The following RABGAP1 variants were observed in gnomAD, a reference collection of about 807,000 sequenced individuals.
RABGAP1 encodes rab GTPase-activating protein 1.
A neutral mutation model predicts 137.6 loss-of-function variants in RABGAP1; 23 were observed. That is an observed-to-expected ratio of 0.17 (90% CI 0.12 to 0.24). The LOEUF (loss-of-function observed/expected upper bound fraction) is 0.24. Ranked by LOEUF, RABGAP1 falls within the 10% of genes least tolerant of loss-of-function variation. The probability of loss-of-function intolerance (pLI) is 1.00; values close to 1 mark genes in which losing one functional copy is unlikely to be tolerated. For missense variants in RABGAP1, 906 were observed against 1,275.8 expected (o/e 0.71, Z 4.42); for synonymous variants, 451 against 450.7 (o/e 1.00, Z -0.01).
At chr9:122,967,278 G>A (rs1835211893) in intron 2 of RABGAP1, among the ~76,000 whole-genome samples, 1 of 152,148 alleles carries the variant, frequency 6.6e-6, no homozygotes, top group African/African-American at 2.4e-5. Flanking sequence ...TAGTAAATAG[G>A]AGATCAGAAA....
chr9:123,079,965 TA>T lies in RABGAP1; in HGVS notation c.2424+3204del, dbSNP rs2034656232. On this transcript the variant is annotated intron_variant, in intron 19 of 25. Coordinates refer to ENST00000373647, the MANE Select transcript of RABGAP1 (RefSeq NM_012197.4). ...CCAGGAACAGGATCTCGCTTATAAA[TA>T]TCGATTGAATAAGTGAATGAATAAA... Among the ~76,000 whole-genome samples, 3 of 152,304 alleles carry T rather than the reference TA, an allele frequency of 2.0e-5. No homozygotes were observed. In the South Asian group the frequency reaches 6.2e-4, roughly 32 times the overall value.
chr9:122,943,253 G>A (rs1833721167), intron 1 of RABGAP1, among the ~76,000 whole-genome samples: 1 of 151,894 alleles, frequency 6.6e-6, no homozygotes, highest in Non-Finnish European at 1.5e-5. Flanking sequence ...ATTTTTACTA[G>A]AGACGGGGTT....
At chr9:122,967,022 G>A (rs1835195131) in intron 2 of RABGAP1, among the ~76,000 whole-genome samples, 1 of 152,186 alleles carries the variant, frequency 6.6e-6, no homozygotes, top group Non-Finnish European at 1.5e-5. Context: ...AATTGGGGGA[G>A]TTACAATTCA....
chr9:123,087,278 A>G (rs1307208885), intron 19 of RABGAP1, among the ~76,000 whole-genome samples: 1 of 152,214 alleles, frequency 6.6e-6, no homozygotes, highest in Non-Finnish European at 1.5e-5. Context: ...TTACCCCAGC[A>G]AAAGAATGAA....
At chr9:123,092,833 G>C (rs963288905) in intron 21 of RABGAP1, among the ~76,000 whole-genome samples, 1 of 152,182 alleles carries the variant, frequency 6.6e-6, no homozygotes, top group African/African-American at 2.4e-5. Flanking sequence ...ATCCCACACA[G>C]ATCACCCAGC....
intron 25 of RABGAP1, 114 bp downstream of exon 25, chr9:123,101,877 G>C: frequency 9.2e-7 from 1 of 1,091,756 alleles, no homozygotes; most frequent in Non-Finnish European, 1.3e-6. Context: ...TTAAACTTTG[G>C]TCACAGTTGT....
intron 7 of RABGAP1, 72 bp downstream of exon 7, chr9:122,996,223 CTG>C: frequency 6.6e-7 from 1 of 1,513,308 alleles, no homozygotes; most frequent in Non-Finnish European, 8.8e-7. Flanking sequence ...TAGTTTTACA[CTG>C]TATTAAAAAA....
At chr9:122,966,323 C>G (rs1025556275) in intron 2 of RABGAP1, among the ~76,000 whole-genome samples, 10 of 151,930 alleles carry the variant, frequency 6.6e-5, no homozygotes, top group African/African-American at 2.2e-4. Flanking sequence ...TCAGGAGTTT[C>G]AGACCAGCCT....
In RABGAP1 at chr9:123,101,651, T is replaced by C; in HGVS notation, c.2975T>C (p.Leu992Ser). 1 of 1,614,154 alleles carries C rather than the reference T, an allele frequency of 6.2e-7. No homozygotes were observed. Among genetic ancestry groups the C allele is most frequent in the South Asian group, 1.1e-5 (1 of 91,058 alleles). Residue 992 changes from leucine (L) to serine (S), a missense_variant, in exon 25 of 26, where the codon TTA becomes TCA. Coordinates refer to ENST00000373647, the MANE Select transcript of RABGAP1 (RefSeq NM_012197.4). ...VKGISSTKEV[L>S]DEDTDEEKET... Reference sequence around the variant, plus strand: ...GGCATAAGCTCAACCAAGGAGGTTTTAGATGAGGACACGGATGAAGAGAAA... The same window carrying C: ...GGCATAAGCTCAACCAAGGAGGTTTCAGATGAGGACACGGATGAAGAGAAA...
intron 21 of RABGAP1, among the ~76,000 whole-genome samples, chr9:123,093,961 A>G (rs783203): frequency 0.62 from 94,901 of 152,112 alleles, 36,743 homozygotes; most frequent in Non-Finnish European, 0.86. Context: ...CTCAGTAGCA[A>G]TGTTTTTTAG....
chr9:122,956,224 G>A (rs930952407), intron 1 of RABGAP1, among the ~76,000 whole-genome samples: 3 of 152,152 alleles, frequency 2.0e-5, no homozygotes. Flanking sequence ...CCCAGCTCTA[G>A]AGTTTATGCT....
At chr9:123,076,142 T>G in intron 17 of RABGAP1, 103 bp from the exon 18 acceptor site, 1 of 1,254,004 alleles carries the variant, frequency 8.0e-7, no homozygotes, top group Non-Finnish European at 1.1e-6. Context: ...ATTTCCTTCC[T>G]TAAGTTTTCA....
At chr9:123,039,288 TG>T (rs748570513) in intron 13 of RABGAP1, among the ~76,000 whole-genome samples, 18 of 152,304 alleles carry the variant, frequency 1.2e-4, no homozygotes, top group Admixed American at 2.6e-4. Flanking sequence ...AAAATTGCTT[TG>T]ATTTACTTCC....
At chr9:122,953,293 T>C (rs1435374327) in intron 1 of RABGAP1, among the ~76,000 whole-genome samples, 1 of 152,230 alleles carries the variant, frequency 6.6e-6, no homozygotes, top group Non-Finnish European at 1.5e-5. Context: ...GTTTTATGTA[T>C]AGTCCTTAGT....
At chr9:122,988,048 A>G (rs1256659001) in intron 4 of RABGAP1, among the ~76,000 whole-genome samples, 1 of 152,200 alleles carries the variant, frequency 6.6e-6, no homozygotes, top group Non-Finnish European at 1.5e-5. Context: ...CTATTTTGCA[A>G]AGACTCACAA....
At chr9:122,952,215 C>T (rs762024771) in intron 1 of RABGAP1, among the ~76,000 whole-genome samples, 32 of 151,938 alleles carry the variant, frequency 2.1e-4, no homozygotes, top group Non-Finnish European at 4.3e-4. Flanking sequence ...CCTGTAATCC[C>T]AGCACTTTGG....
At chr9:123,069,236 C>G (rs2034276465) in intron 14 of RABGAP1, among the ~76,000 whole-genome samples, 1 of 152,196 alleles carries the variant, frequency 6.6e-6, no homozygotes, top group African/African-American at 2.4e-5. Context: ...AGAGTAATCT[C>G]ACTTATCAGA....
chr9:123,066,791 T>C (rs1223311751), intron 14 of RABGAP1, among the ~76,000 whole-genome samples: 1 of 152,226 alleles, frequency 6.6e-6, no homozygotes, highest in Non-Finnish European at 1.5e-5. Flanking sequence ...GTCAATTGTA[T>C]CAAACAGAAT....
intron 2 of RABGAP1, among the ~76,000 whole-genome samples, chr9:122,970,549 C>T (rs1255465415): frequency 6.6e-6 from 1 of 152,178 alleles, no homozygotes; most frequent in Admixed American, 6.5e-5. Flanking sequence ...GGTACAATTA[C>T]ACCCAGGTAG....
Sources: allele counts gnomAD v4.1 joint callset (sites outside exome capture counted in the v4.1 genomes callset), GRCh38; gene constraint gnomAD v4.1.1; transcripts MANE v1.5; gene names NCBI Gene and HGNC (gene_info 2026-07-23, HGNC 2026-07-21).